The following SORCS3 variants were observed in gnomAD, a reference collection of about 807,000 sequenced individuals.
The protein encoded by SORCS3 is VPS10 domain-containing receptor SorCS3.
In SORCS3, 57 loss-of-function variants were observed where a neutral mutation model predicts 146.3. The ratio of observed to expected loss-of-function variants is 0.39; its 90% CI spans 0.31 to 0.49. The LOEUF is 0.49. Among genes scored for constraint, SORCS3 ranks in the 20% least tolerant of loss-of-function variants. SORCS3 has a pLI of 0.92. For synonymous variants in SORCS3, 653 were observed against 618.5 expected (o/e 1.06, Z -0.83); for missense variants, 1,341 against 1,575.5 (o/e 0.85, Z 2.52).
chr10:104,896,595 G>T (rs2018801281), intron 2 of SORCS3, among the ~76,000 whole-genome samples: 1 of 152,270 alleles, frequency 6.6e-6, no homozygotes, highest in African/African-American at 2.4e-5. Flanking sequence ...GATGGGGCAA[G>T]TGGGCAGGGG....
chr10:105,009,519 CAAACAAACAAAAA>C (rs1341698602), intron 4 of SORCS3, among the ~76,000 whole-genome samples: 2 of 33,040 alleles, frequency 6.1e-5, no homozygotes, highest in African/African-American at 2.1e-4. Context: ...AACAAACAAA[CAAACAAACAAAAA>C]AAAAAAAAAA....
intron 5 of SORCS3, among the ~76,000 whole-genome samples, chr10:105,045,018 T>A (rs2055360134): frequency 1.2e-5 from 1 of 85,054 alleles, no homozygotes. Context: ...AAGTCCAGAA[T>A]TCGAAAAAAA....
At chr10:105,189,179 C>T (rs1302781214) in intron 14 of SORCS3, among the ~76,000 whole-genome samples, 2 of 152,178 alleles carry the variant, frequency 1.3e-5, no homozygotes, top group Non-Finnish European at 2.9e-5. Flanking sequence ...TTTGCCTGCC[C>T]TCAGCTTGCT....
rs571266284 is a variant in SORCS3, at chr10:104,735,617, C to A, written c.627+93663C>A. 2.4e-3 allele frequency among the ~76,000 whole-genome samples: 370 copies of A among 151,990 alleles called. 2 individuals are homozygous for A. The highest frequency in any genetic ancestry group is 8.4e-3 in the African/African-American group (350 of 41,456). ...ACAGAGCCCTTGGCTCCCTTCCTGGCGAAAGCTTCAAGATCAGCAGTGATA... is the reference window on the plus strand; with the variant it reads ...ACAGAGCCCTTGGCTCCCTTCCTGGAGAAAGCTTCAAGATCAGCAGTGATA... On this transcript the variant is annotated intron_variant, in intron 1 of 26. Coordinates refer to ENST00000369701, the MANE Select transcript of SORCS3 (RefSeq NM_014978.3).
At chr10:104,887,348 G>GC (rs11383590) in intron 2 of SORCS3, among the ~76,000 whole-genome samples, 55,888 of 152,026 alleles carry the variant, frequency 0.37, 13,357 homozygotes, top group African/African-American at 0.68. Context: ...AATGGCATGA[G>GC]CAAAATCTTG....
intron 2 of SORCS3, among the ~76,000 whole-genome samples, chr10:104,846,587 C>G (rs1439537126): frequency 6.6e-6 from 1 of 152,162 alleles, no homozygotes; most frequent in African/African-American, 2.4e-5. Flanking sequence ...AATTCAGAGG[C>G]CATCTACTTC....
In SORCS3 at chr10:105,211,236, C is replaced by T. The variant is rs772521562; in HGVS notation, c.2361C>T (p.Tyr787=). 15 of 1,613,478 alleles carry T rather than the reference C, an allele frequency of 9.3e-6. No homozygotes were observed. The highest frequency in any genetic ancestry group is 1.3e-5 in the Non-Finnish European group (15 of 1,179,560). The change falls in exon 17 of 27, where the codon TAC becomes TAT. Residue 787 remains tyrosine, a synonymous_variant. Transcript: ENST00000369701. The part of the protein sequence containing the change: ...PSKDCSLGQS[Y]LNSTGYRRIV... ...AGGACTGCAGCCTTGGTCAAAGCTACCTTAACAGCACTGGGTAAGTAAAAC... is the reference window on the plus strand; with the variant it reads ...AGGACTGCAGCCTTGGTCAAAGCTATCTTAACAGCACTGGGTAAGTAAAAC...
At chr10:105,069,425 G>T (rs918611212) in intron 5 of SORCS3, among the ~76,000 whole-genome samples, 12 of 152,308 alleles carry the variant, frequency 7.9e-5, no homozygotes, top group Admixed American at 6.5e-4. Flanking sequence ...ATTTGGGTCA[G>T]ATTTTCTAAG....
At chr10:104,976,452 C>G (rs976997390) in intron 3 of SORCS3, among the ~76,000 whole-genome samples, 19 of 152,184 alleles carry the variant, frequency 1.2e-4, no homozygotes, top group African/African-American at 4.6e-4. Context: ...AACACTTTTA[C>G]ACTGTTGGGG....
chr10:104,780,024 G>A (rs1015153735), intron 1 of SORCS3, among the ~76,000 whole-genome samples: 1 of 152,116 alleles, frequency 6.6e-6, no homozygotes, highest in Non-Finnish European at 1.5e-5. Context: ...ATGGGGAGGG[G>A]AAGGGAGGTG....
At chr10:104,694,494 C>T (rs927780153) in intron 1 of SORCS3, among the ~76,000 whole-genome samples, 3 of 152,044 alleles carry the variant, frequency 2.0e-5, no homozygotes, top group African/African-American at 7.3e-5. Context: ...CTTCATTCCC[C>T]AGCTGCTTTA....
intron 5 of SORCS3, among the ~76,000 whole-genome samples, chr10:105,064,591 C>A (rs2055510096): frequency 6.6e-6 from 1 of 152,146 alleles, no homozygotes; most frequent in Non-Finnish European, 1.5e-5. Context: ...GCTTGAGAAC[C>A]TGGGCGGGGG....
intron 2 of SORCS3, among the ~76,000 whole-genome samples, chr10:104,908,512 T>TCA (rs1413903255): frequency 6.6e-6 from 1 of 152,232 alleles, no homozygotes; most frequent in East Asian, 1.9e-4. Context: ...ACAACTCTAT[T>TCA]GTCTGAGCTG....
intron 2 of SORCS3, among the ~76,000 whole-genome samples, chr10:104,907,599 A>G (rs549101703): frequency 5.9e-5 from 9 of 152,276 alleles, no homozygotes; most frequent in African/African-American, 1.9e-4. Context: ...AAGACAGCAA[A>G]CCTCCAATTT....
At chr10:104,661,958 G>A (rs558177020) in intron 1 of SORCS3, among the ~76,000 whole-genome samples, 2 of 152,218 alleles carry the variant, frequency 1.3e-5, no homozygotes, top group East Asian at 3.9e-4. Context: ...CTGTGTGCCG[G>A]GTGCCAGTTT....
At chr10:105,241,326 GC>G (rs1318337819) in intron 20 of SORCS3, among the ~76,000 whole-genome samples, 1 of 152,188 alleles carries the variant, frequency 6.6e-6, no homozygotes, top group Non-Finnish European at 1.5e-5. Context: ...TCCATGGAGG[GC>G]CCATGGCCAG....
intron 20 of SORCS3, among the ~76,000 whole-genome samples, chr10:105,243,094 C>T (rs1309404530): frequency 8.2e-6 from 1 of 121,620 alleles, no homozygotes; most frequent in Non-Finnish European, 1.8e-5. Context: ...TTTAGCCATT[C>T]TGTTGGGTGT....
chr10:104,708,471 A>G (rs547497727), intron 1 of SORCS3, among the ~76,000 whole-genome samples: 2 of 152,328 alleles, frequency 1.3e-5, no homozygotes, highest in South Asian at 2.1e-4. Context: ...CTGTCATCAT[A>G]CAATGAGAGA....
Position 104,866,623 on chromosome 10 carries a change from G to C in SORCS3, c.695+23764G>C, listed in dbSNP as rs374688716. Among the ~76,000 whole-genome samples the C allele has an allele frequency of 2.8e-4, 42 of 152,240 alleles. No homozygotes were observed. The East Asian group carries it at 7.5e-3, about 27-fold the overall frequency. On this transcript the variant is annotated intron_variant, in intron 2 of 26. Coordinates refer to ENST00000369701, the MANE Select transcript of SORCS3 (RefSeq NM_014978.3). ...TTAATGTCCTCCATCTGGAAAGTGGGGACAAAGTTTACCACAGGGGGTTAA... is the reference window on the plus strand; with the variant it reads ...TTAATGTCCTCCATCTGGAAAGTGGCGACAAAGTTTACCACAGGGGGTTAA...
Sources: allele counts gnomAD v4.1 joint callset (sites outside exome capture counted in the v4.1 genomes callset), GRCh38; gene constraint gnomAD v4.1.1; transcripts MANE v1.5; gene names NCBI Gene and HGNC (gene_info 2026-07-23, HGNC 2026-07-21).